Variants in PLEKHA7 observed in about 807,000 individuals in gnomAD.
PLEKHA7 encodes pleckstrin homology domain containing A7, also known as pleckstrin homology domain-containing family A member 7.
Under a neutral mutation model 170.0 loss-of-function variants are expected in PLEKHA7, and 104 were observed. The ratio of observed to expected loss-of-function variants is 0.61; its 90% confidence interval spans 0.52 to 0.72. The LOEUF (loss-of-function observed/expected upper bound fraction) is 0.72, where lower values mean the gene tolerates loss of function less well. PLEKHA7 is among the 30% of genes least tolerant of loss of function. The probability of loss-of-function intolerance (pLI) is 0.00; values close to 1 mark genes in which losing one functional copy is unlikely to be tolerated. For synonymous variants in PLEKHA7, 648 were observed against 660.8 expected (o/e 0.98, Z 0.30); for missense variants, 1,615 against 1,671.7 (o/e 0.97, Z 0.59).
intron 3 of PLEKHA7, among the ~76,000 whole-genome samples, chr11:16,919,115 G>A (rs1858905235): frequency 6.6e-6 from 1 of 152,182 alleles, no homozygotes; most frequent in South Asian, 2.1e-4. Context: ...CTGGGAGGCT[G>A]AGGCAGGAGA....
chr11:17,014,408 C>T lies in PLEKHA7; in HGVS notation c.-7G>A, dbSNP rs372142254. The T allele has an allele frequency of 4.6e-6, 6 of 1,304,438 alleles. No individual in the cohort carries two copies. The Admixed American group carries it at 9.3e-5, about 20-fold the overall frequency. The allele number at this position is 1,304,438 out of a possible 1,614,324, so 80.8% of individuals were successfully genotyped here. Reference sequence around the variant, plus strand: ...CGACCGTCGCCGCCGCCATGTTCGCCGAGCGCGGAGCCGCCGCGGGGTGGG... The same window carrying T: ...CGACCGTCGCCGCCGCCATGTTCGCTGAGCGCGGAGCCGCCGCGGGGTGGG... On this transcript the variant is annotated 5_prime_UTR_variant, in exon 1 of 27. Transcript: ENST00000531066.
intron 14 of PLEKHA7, 64 bp from the exon 15 acceptor site, chr11:16,803,116 C>CA: frequency 6.4e-7 from 1 of 1,564,842 alleles, no homozygotes; most frequent in Non-Finnish European, 8.8e-7. Context: ...CTTGGGATTG[C>CA]AATCAGACAG....
At chr11:16,904,553 G>A (rs1857533281) in intron 3 of PLEKHA7, among the ~76,000 whole-genome samples, 2 of 151,986 alleles carry the variant, frequency 1.3e-5, no homozygotes, top group African/African-American at 2.4e-5. Flanking sequence ...CAAAATGCAA[G>A]GAATGAATAT....
intron 3 of PLEKHA7, among the ~76,000 whole-genome samples, chr11:16,892,619 C>CTTTTTTTTTTT (rs10674972): frequency 1.2e-4 from 10 of 82,406 alleles, no homozygotes; most frequent in African/African-American, 2.1e-4. Context: ...CTTCCAGCTT[C>CTTTTTTTTTTT]TTTTTTTTTT....
chr11:16,921,791 G>GCATA (rs1167226117), intron 3 of PLEKHA7, among the ~76,000 whole-genome samples: 4 of 152,224 alleles, frequency 2.6e-5, no homozygotes, highest in Non-Finnish European at 5.9e-5. Context: ...TTACAGTTGA[G>GCATA]CATACGTTGT....
At chr11:16,820,749 C>G (rs907955487) in intron 10 of PLEKHA7, among the ~76,000 whole-genome samples, 4 of 152,214 alleles carry the variant, frequency 2.6e-5, no homozygotes, top group African/African-American at 9.6e-5. Context: ...TCAGAGTCCA[C>G]CCTCACCTCC....
intron 3 of PLEKHA7, among the ~76,000 whole-genome samples, chr11:17,003,598 G>A (rs1254570854): frequency 5.9e-5 from 9 of 152,218 alleles, no homozygotes; most frequent in Non-Finnish European, 5.9e-5. Context: ...GTGAGGAAGT[G>A]AGGCTTAAAG....
intron 8 of PLEKHA7, among the ~76,000 whole-genome samples, chr11:16,847,842 C>CAAAAAAAAAAAA (rs35191685): frequency 2.0e-5 from 2 of 101,466 alleles, no homozygotes; most frequent in Non-Finnish European, 2.1e-5. Context: ...AATTCTGTCT[C>CAAAAAAAAAAAA]AAAAAAAAAA....
At chr11:16,800,207 G>GA (rs1279166515) in intron 17 of PLEKHA7, among the ~76,000 whole-genome samples, 1 of 151,900 alleles carries the variant, frequency 6.6e-6, no homozygotes, top group Non-Finnish European at 1.5e-5. Context: ...AGTCAGGGGA[G>GA]AAAAAAACAG....
intron 13 of PLEKHA7, 78 bp downstream of exon 13, chr11:16,813,035 T>A: frequency 7.5e-7 from 1 of 1,335,978 alleles, no homozygotes; most frequent in Non-Finnish European, 1.1e-6. Flanking sequence ...GGCCTTTGGC[T>A]TTGGGCTTGG....
chr11:16,955,684 G>T (rs60977991), intron 3 of PLEKHA7, among the ~76,000 whole-genome samples: 8,984 of 152,258 alleles, frequency 0.059, 859 homozygotes, highest in African/African-American at 0.2. Context: ...TGCCAAACAT[G>T]AGCCAGCAGT....
At chr11:16,939,371 GCCAC>G (rs1860523767) in intron 3 of PLEKHA7, among the ~76,000 whole-genome samples, 2 of 152,080 alleles carry the variant, frequency 1.3e-5, no homozygotes, top group African/African-American at 4.8e-5. Context: ...CCGAGATCGT[GCCAC>G]TGCACTCCAG....
intron 3 of PLEKHA7, among the ~76,000 whole-genome samples, chr11:16,947,600 AAAAGAAAG>A (rs200146477): frequency 3.4e-5 from 5 of 147,112 alleles, no homozygotes; most frequent in Non-Finnish European, 6.0e-5. Context: ...AAAAAAAAAA[AAAAGAAAG>A]AAAGAAAGAA....
At chr11:16,831,425 G>A (rs1046494271) in intron 9 of PLEKHA7, among the ~76,000 whole-genome samples, 2 of 152,136 alleles carry the variant, frequency 1.3e-5, no homozygotes, top group African/African-American at 2.4e-5. Context: ...AGCACCCCTC[G>A]GCCGTCAATG....
intron 3 of PLEKHA7, among the ~76,000 whole-genome samples, chr11:16,921,356 T>A (rs1288178492): frequency 2.0e-5 from 3 of 151,792 alleles, no homozygotes; most frequent in East Asian, 1.9e-4. Context: ...TACAATCCCA[T>A]GCAAGTGATG....
intron 3 of PLEKHA7, among the ~76,000 whole-genome samples, chr11:16,973,454 T>C (rs1312907634): frequency 1.3e-5 from 2 of 152,232 alleles, no homozygotes; most frequent in Non-Finnish European, 2.9e-5. Context: ...TCTCCCCTGA[T>C]GGCAGCAGAG....
chr11:16,985,621 C>T (rs1863680886), intron 3 of PLEKHA7, among the ~76,000 whole-genome samples: 1 of 152,336 alleles, frequency 6.6e-6, no homozygotes, highest in Admixed American at 6.5e-5. Flanking sequence ...CCGTTCATTC[C>T]GCATTAACAT....
chr11:16,870,302 C>G (rs1277665319), intron 4 of PLEKHA7, among the ~76,000 whole-genome samples: 1 of 151,990 alleles, frequency 6.6e-6, no homozygotes, highest in Non-Finnish European at 1.5e-5. Flanking sequence ...CCCCCACCCC[C>G]ACACACACAC....
At chr11:16,964,651 T>C (rs1209465377) in intron 3 of PLEKHA7, among the ~76,000 whole-genome samples, 1 of 152,186 alleles carries the variant, frequency 6.6e-6, no homozygotes, top group Non-Finnish European at 1.5e-5. Flanking sequence ...ACAAAAAGCA[T>C]GAGGGCTGGC....
Sources: gnomAD v4.1 joint callset for allele counts (sites outside exome capture counted in the v4.1 genomes callset) on GRCh38, gnomAD v4.1.1 for gene constraint, MANE v1.5 for transcripts, NCBI Gene and HGNC (gene_info 2026-07-23, HGNC 2026-07-21) for gene names.